Variants in B3GNT2 observed in about 807,000 individuals in gnomAD.
B3GNT2 encodes the protein N-acetyllactosaminide beta-1,3-N-acetylglucosaminyltransferase 2.
A neutral mutation model predicts 27.6 loss-of-function variants in B3GNT2; 12 were observed. That is an observed-to-expected ratio of 0.44 (90% CI 0.28 to 0.71). The LOEUF is 0.71. B3GNT2 is among the 30% of genes least tolerant of loss of function. The pLI is 0.17. For missense variants in B3GNT2, 413 were observed against 488.5 expected, an observed-to-expected ratio of 0.85 and a Z score of 1.46; for synonymous variants, 192 against 189.7, an observed-to-expected ratio of 1.01 and a Z score of -0.10.
intron 1 of B3GNT2, among the ~76,000 whole-genome samples, chr2:62,212,227 G>T (rs1342261374): frequency 6.6e-6 from 1 of 152,110 alleles, no homozygotes; most frequent in African/African-American, 2.4e-5. Flanking sequence ...TGCTTTTCCT[G>T]CACTCCTATA....
At chr2:62,209,202 T>C (rs953887796) in intron 1 of B3GNT2, among the ~76,000 whole-genome samples, 3 of 152,096 alleles carry the variant, frequency 2.0e-5, no homozygotes, top group African/African-American at 7.2e-5. Context: ...ATGGAAGCTA[T>C]AGACTGTGAG....
chr2:62,212,968 C>A (rs893138892), intron 1 of B3GNT2, among the ~76,000 whole-genome samples: 2 of 152,144 alleles, frequency 1.3e-5, no homozygotes, highest in Non-Finnish European at 2.9e-5. Context: ...TGCCAGAGTA[C>A]ACTTGCTTGT....
chr2:62,201,713 A>G (rs1396308745), intron 1 of B3GNT2, among the ~76,000 whole-genome samples: 1 of 152,258 alleles, frequency 6.6e-6, no homozygotes. Flanking sequence ...GATAAAGTAA[A>G]GGAAAATAAA....
intron 1 of B3GNT2, among the ~76,000 whole-genome samples, chr2:62,203,996 A>G (rs80223251): frequency 0.016 from 2,459 of 152,292 alleles, 61 homozygotes; most frequent in African/African-American, 0.057. Context: ...AGATATTTCT[A>G]TGGACCATAA....
Position 62,222,153 on chromosome 2 carries a change from T to C in B3GNT2, c.-9-59T>C, listed in dbSNP as rs904405188. On this transcript the variant is annotated intron_variant, in intron 1 of 1. Coordinates refer to ENST00000301998, the MANE Select transcript of B3GNT2 (RefSeq NM_006577.6). This position sits in a 1 kb window ranked among gnomAD's most constrained non-coding sequence, Gnocchi z 4.2. ...TCCTGGGGAGACAGGTAAAATAAAT[T>C]GTATGTGCAAATGCAAATTGATAAG... The C allele has an allele frequency of 2.1e-6, 3 of 1,409,112 alleles. No individual in the cohort carries two copies. The highest frequency in any genetic ancestry group is 1.4e-5 in the African/African-American group (1 of 69,270). 87.3% of individuals were successfully genotyped at this position (1,409,112 alleles called of 1,614,324 possible). A position where few individuals can be genotyped will look rare whatever the true frequency, so the allele number is the denominator to read the frequency against.
chr2:62,200,303 T>C (rs555748173), intron 1 of B3GNT2, among the ~76,000 whole-genome samples: 3 of 152,330 alleles, frequency 2.0e-5, no homozygotes, highest in South Asian at 4.1e-4. Flanking sequence ...ACAAAAACCA[T>C]TTTCTGATGT....
chr2:62,201,519 T>TAA (rs1674263971), intron 1 of B3GNT2, among the ~76,000 whole-genome samples: 1 of 152,244 alleles, frequency 6.6e-6, no homozygotes, highest in African/African-American at 2.4e-5. Flanking sequence ...ACAAGCCACT[T>TAA]AAAACATTTT....
chr2:62,220,477 A>G (rs895684891), intron 1 of B3GNT2, among the ~76,000 whole-genome samples: 1 of 152,254 alleles, frequency 6.6e-6, no homozygotes, highest in Non-Finnish European at 1.5e-5. Flanking sequence ...TCTCAGCATG[A>G]CAAATATTTT....
At chr2:62,213,867 C>T (rs943647072) in intron 1 of B3GNT2, among the ~76,000 whole-genome samples, 15 of 152,312 alleles carry the variant, frequency 9.8e-5, no homozygotes, top group Admixed American at 2.0e-4. Flanking sequence ...CTACTGAACA[C>T]TGTGTTCAGT....
rs756766802 is a variant in B3GNT2 at position 62,223,999 on chromosome 2, A to T, written c.*585A>T. The T allele has an allele frequency of 7.2e-5, 12 of 167,172 alleles. No homozygotes were observed. The highest frequency in any genetic ancestry group is 1.5e-5 in the Non-Finnish European group (1 of 68,248). The allele number at this position is 167,172 out of a possible 1,614,324, so 10.4% of individuals were successfully genotyped here. A position where few individuals can be genotyped will look rare whatever the true frequency, so the allele number is the denominator to read the frequency against. ...TTTTGTGTGTTAATTAATTTTGCAAAATGAGAATCATGGTGTGACACTCAT... is the reference window on the plus strand; with the variant it reads ...TTTTGTGTGTTAATTAATTTTGCAATATGAGAATCATGGTGTGACACTCAT... On this transcript the variant is annotated 3_prime_UTR_variant, in exon 2 of 2. Transcript: ENST00000301998.
chr2:62,200,816 C>T (rs1014376266), intron 1 of B3GNT2, among the ~76,000 whole-genome samples: 4 of 152,136 alleles, frequency 2.6e-5, no homozygotes, highest in African/African-American at 9.7e-5. Flanking sequence ...TGGAATCAGT[C>T]ATACAGTGTG....
chr2:62,217,954 G>A (rs1331705022), intron 1 of B3GNT2, among the ~76,000 whole-genome samples: 1 of 152,206 alleles, frequency 6.6e-6, no homozygotes, highest in Admixed American at 6.5e-5. Context: ...TGGGGACAAG[G>A]TAAAAAGCTA....
At chr2:62,198,103 A>G (rs575948856) in intron 1 of B3GNT2, among the ~76,000 whole-genome samples, 1 of 152,224 alleles carries the variant, frequency 6.6e-6, no homozygotes, top group South Asian at 2.1e-4. Context: ...TTTAGTTCGG[A>G]ATATTGCTTT....
At chr2:62,209,702 C>G (rs1451618454) in intron 1 of B3GNT2, among the ~76,000 whole-genome samples, 1 of 152,142 alleles carries the variant, frequency 6.6e-6, no homozygotes, top group Non-Finnish European at 1.5e-5. Flanking sequence ...TGATCCCTTT[C>G]CTTCACAGGA....
intron 1 of B3GNT2, among the ~76,000 whole-genome samples, chr2:62,209,504 C>T (rs975230989): frequency 1.3e-5 from 2 of 152,122 alleles, no homozygotes; most frequent in East Asian, 1.9e-4. Context: ...GTAAGCCAGG[C>T]GTGGTGGCAC....
At chr2:62,221,990 G>A in intron 1 of B3GNT2, 1 of 590,046 alleles carries the variant, frequency 1.7e-6, no homozygotes, top group African/African-American at 1.8e-5. Flanking sequence ...CCTTTGAAGT[G>A]GGCTTGATTC....
chr2:62,197,257 G>A (rs1674170828), intron 1 of B3GNT2, among the ~76,000 whole-genome samples: 1 of 152,170 alleles, frequency 6.6e-6, no homozygotes, highest in Non-Finnish European at 1.5e-5. Flanking sequence ...CCCTTCTGGA[G>A]GCAATAAACC....
chr2:62,209,126 C>CA (rs1478402321), intron 1 of B3GNT2, among the ~76,000 whole-genome samples: 1 of 152,160 alleles, frequency 6.6e-6, no homozygotes, highest in Non-Finnish European at 1.5e-5. Flanking sequence ...GGATTACAGA[C>CA]ATGAGCCACC....
intron 1 of B3GNT2, among the ~76,000 whole-genome samples, chr2:62,214,723 G>A (rs1470782631): frequency 6.6e-6 from 1 of 152,164 alleles, no homozygotes; most frequent in Non-Finnish European, 1.5e-5. Flanking sequence ...TACAAAGGAG[G>A]AAAGTGAGGC....
Sources: gnomAD v4.1 joint callset for allele counts (sites outside exome capture counted in the v4.1 genomes callset) on GRCh38, gnomAD v4.1.1 for gene constraint, Gnocchi (gnomAD v3.1) non-coding constraint, MANE v1.5 for transcripts, NCBI Gene and HGNC (gene_info 2026-07-23, HGNC 2026-07-21) for gene names.